Variants in B3GALNT2 observed in about 807,000 individuals in gnomAD.
B3GALNT2 encodes beta-1,3-N-acetylgalactosaminyltransferase 2, also known as UDP-GalNAc:beta-1,3-N-acetylgalactosaminyltransferase 2.
B3GALNT2 carries 53 observed loss-of-function variants against 61.1 expected under a neutral mutation model. The ratio of observed to expected loss-of-function variants is 0.87; its 90% confidence interval spans 0.70 to 1.09. The LOEUF is 1.09. Among genes scored for constraint, B3GALNT2 ranks in the 50% least tolerant of loss-of-function variants. The pLI is 0.00. For synonymous variants in B3GALNT2, 223 were observed against 237.4 expected, an observed-to-expected ratio of 0.94 and a Z score of 0.56; for missense variants, 544 against 623.0, an observed-to-expected ratio of 0.87 and a Z score of 1.35.
chr1:235,475,748 A>C (rs994266957), intron 5 of B3GALNT2, among the ~76,000 whole-genome samples: 2 of 152,180 alleles, frequency 1.3e-5, no homozygotes, highest in Non-Finnish European at 2.9e-5. Flanking sequence ...TGGAACATTT[A>C]GAAGATAGAT....
At position 235,449,003 on chromosome 1, in the gene B3GALNT2, A is replaced by AGTTCATCACT; in HGVS notation, c.*1202_*1203insAGTGATGAAC. On this transcript the variant is annotated 3_prime_UTR_variant, in exon 12 of 12. Transcript: ENST00000366600. ...GATCTTATTTCATATTTATTTTTAC[A>AGTTCATCACT]GCTCATCACTGCATTTCATGATAAG... The AGTTCATCACT allele has an allele frequency of 2.3e-6, 1 of 442,276 alleles. No homozygotes were observed. Among genetic ancestry groups the AGTTCATCACT allele is most frequent in the African/African-American group, 2.0e-5 (1 of 50,146 alleles). 27.4% of individuals were successfully genotyped at this position (442,276 alleles called of 1,614,324 possible). A position where few individuals can be genotyped will look rare whatever the true frequency, so the allele number is the denominator to read the frequency against.
chr1:235,479,888 G>C (rs1229523128), intron 5 of B3GALNT2, 166 bp downstream of exon 5: 12 of 1,229,776 alleles, frequency 9.8e-6, no homozygotes, highest in Non-Finnish European at 7.5e-6. Context: ...CAGGAGGTTT[G>C]AATACAGAGT....
intron 5 of B3GALNT2, chr1:235,478,922 T>C (rs1558428767): frequency 6.6e-6 from 1 of 152,246 alleles, no homozygotes. Context: ...CCTGTTTTAG[T>C]TTGGCTTTTA....
intron 1 of B3GALNT2, among the ~76,000 whole-genome samples, chr1:235,499,191 C>T (rs371488338): frequency 6.6e-6 from 1 of 152,256 alleles, no homozygotes; most frequent in East Asian, 1.9e-4. Flanking sequence ...TCTATTAATA[C>T]ATCATATTAA....
intron 9 of B3GALNT2, 81 bp downstream of exon 9, chr1:235,455,476 CAA>C: frequency 4.7e-6 from 6 of 1,277,452 alleles, no homozygotes; most frequent in Admixed American, 4.5e-5. Flanking sequence ...ACCACATTTT[CAA>C]AAAAAAAAGA....
At chr1:235,441,005 C>T in the B3GALNT2 span, 2 of 152,160 alleles carry the variant, frequency 1.3e-5, no homozygotes, top group African/African-American at 2.4e-5. Context: ...CAGGCTTGAA[C>T]AGTATGTTTA....
At chr1:235,493,959 C>A (rs892770592) in intron 2 of B3GALNT2, among the ~76,000 whole-genome samples, 4 of 152,122 alleles carry the variant, frequency 2.6e-5, no homozygotes, top group Non-Finnish European at 4.4e-5. Context: ...AGGTTGATCT[C>A]ATTGAGAACA....
chr1:235,502,494 A>T (rs1351172356), intron 1 of B3GALNT2, among the ~76,000 whole-genome samples: 3 of 152,172 alleles, frequency 2.0e-5, no homozygotes, highest in African/African-American at 7.2e-5. Context: ...AAGTTAATTA[A>T]CATAACTAGT....
intron 1 of B3GALNT2, among the ~76,000 whole-genome samples, chr1:235,495,437 A>G (rs1301909999): frequency 6.6e-6 from 1 of 152,222 alleles, no homozygotes; most frequent in Non-Finnish European, 1.5e-5. Flanking sequence ...CATACCGGAA[A>G]GTAATGCAAC....
rs111382302 is a variant in B3GALNT2 at position 235,480,558 on chromosome 1, G to A, written c.556-409C>T. Among the ~76,000 whole-genome samples, 420 of 152,096 alleles carry A rather than the reference G, an allele frequency of 2.8e-3. 2 individuals carry two copies. The highest frequency in any genetic ancestry group is 9.5e-3 in the African/African-American group (393 of 41,504). ...GGAACAAAAGCACTCAGGAAACTCC[G>A]TTCAAAAAGAATCTTCAGAAGAAAA... On this transcript the variant is annotated intron_variant, in intron 4 of 11. Coordinates refer to ENST00000366600, the MANE Select transcript of B3GALNT2 (RefSeq NM_152490.5).
At chr1:235,485,487 G>T (rs1659076629) in intron 3 of B3GALNT2, among the ~76,000 whole-genome samples, 1 of 152,004 alleles carries the variant, frequency 6.6e-6, no homozygotes, top group Admixed American at 6.6e-5. Context: ...CTAATTTTTT[G>T]TAGAGATGGG....
intron 5 of B3GALNT2, chr1:235,478,962 ATTT>A (rs1163760148): frequency 6.6e-6 from 1 of 151,460 alleles, no homozygotes; most frequent in Non-Finnish European, 1.5e-5. Context: ...TTTTTAATTT[ATTT>A]TTTGACTGCT....
chr1:235,483,140 G>A (rs948795566), intron 4 of B3GALNT2, among the ~76,000 whole-genome samples: 10 of 152,004 alleles, frequency 6.6e-5, no homozygotes, highest in African/African-American at 2.4e-4. Flanking sequence ...AAATTCATTG[G>A]ATAGGCTTAA....
intron 4 of B3GALNT2, among the ~76,000 whole-genome samples, chr1:235,482,354 G>A (rs1007650826): frequency 6.6e-6 from 1 of 151,806 alleles, no homozygotes; most frequent in Non-Finnish European, 1.5e-5. Flanking sequence ...GACAGAGTTG[G>A]GGCAAACACA....
At chr1:235,480,905 C>CAAAAAAAAAAAAAAAAAAAAAAA (rs55666590) in intron 4 of B3GALNT2, among the ~76,000 whole-genome samples, 1 of 31,172 alleles carries the variant, frequency 3.2e-5, no homozygotes, top group Non-Finnish European at 5.4e-5. Flanking sequence ...GACTCTGTCT[C>CAAAAAAAAAAAAAAAAAAAAAAA]AAAAAAAAAA....
intron 5 of B3GALNT2, among the ~76,000 whole-genome samples, chr1:235,476,642 G>A (rs1684293700): frequency 6.6e-6 from 1 of 152,082 alleles, no homozygotes; most frequent in African/African-American, 2.4e-5. Flanking sequence ...CTGGGGTCAG[G>A]AGTTCGAGAC....
rs1684181771 is a variant in B3GALNT2, at chr1:235,474,968, TATATATATATATATATA to T, written c.652-4025_652-4009del. Among the ~76,000 whole-genome samples, 12 of 28,838 alleles carry T rather than the reference TATATATATATATATATA, an allele frequency of 4.2e-4. 1 individual carries two copies. Among genetic ancestry groups the T allele is most frequent in the South Asian group, 1.2e-3 (1 of 824 alleles). 18.9% of individuals were successfully genotyped at this position (28,838 alleles called of 152,430 possible). On this transcript the variant is annotated intron_variant, in intron 5 of 11. Transcript: ENST00000366600. ...TTAGAGACATATATATATATATATA[TATATATATATATATATA>T]TATTTTTTTTTTTTTTTTTTTTTTT... is the stretch of plus-strand genomic sequence containing the variant.
chr1:235,485,122 C>T (rs931928792), intron 3 of B3GALNT2, among the ~76,000 whole-genome samples: 8 of 152,188 alleles, frequency 5.3e-5, no homozygotes, highest in African/African-American at 1.4e-4. Context: ...TTTATATCTT[C>T]ACTACTACCC....
chr1:235,447,422 G>A lies in B3GALNT2; in HGVS notation c.*2784C>T, dbSNP rs145164477. On this transcript the variant is annotated 3_prime_UTR_variant, in exon 12 of 12. Transcript: ENST00000366600. ...CACTATTTACCACAACCCGTCTTTG[G>A]AAAGAAGTTCATAGTGTATTCTGAA... 6.7e-3 allele frequency among the ~76,000 whole-genome samples: 1,027 copies of A among 152,302 alleles called. 6 individuals carry two copies. Among genetic ancestry groups the A allele is most frequent in the Non-Finnish European group, 0.012 (804 of 68,026 alleles).
Sources: allele counts gnomAD v4.1 joint callset (sites outside exome capture counted in the v4.1 genomes callset), GRCh38; gene constraint gnomAD v4.1.1; transcripts MANE v1.5; gene names NCBI Gene and HGNC (gene_info 2026-07-23, HGNC 2026-07-21).